SORL1: variants seen among roughly 807,000 people sequenced by gnomAD.
SORL1 encodes the protein sortilin-related receptor.
Under a neutral mutation model 273.7 loss-of-function variants are expected in SORL1, and 127 were observed. The ratio of observed to expected loss-of-function variants is 0.46; its 90% CI spans 0.40 to 0.54. The LOEUF is 0.54. SORL1 is among the 20% of genes least tolerant of loss of function. SORL1 has a pLI of 0.00. For missense variants in SORL1, 2,494 were observed against 2,846.1 expected (o/e 0.88, Z 2.81); for synonymous variants, 1,031 against 1,067.4 (o/e 0.97, Z 0.66).
At chr11:121,553,624 GA>G (rs1862536477) in intron 16 of SORL1, among the ~76,000 whole-genome samples, 1 of 152,218 alleles carries the variant, frequency 6.6e-6, no homozygotes, top group Admixed American at 6.5e-5. Flanking sequence ...GTGACTTGAA[GA>G]CTGGCAGGCT....
At chr11:121,549,014 A>G (rs1026737201) in intron 14 of SORL1, among the ~76,000 whole-genome samples, 2 of 152,218 alleles carry the variant, frequency 1.3e-5, no homozygotes, top group Admixed American at 6.5e-5. Context: ...GCCTTAGAAC[A>G]TTCATAGTAC....
Position 121,589,296 on chromosome 11 carries a change from C to T in SORL1, c.3984C>T (p.Phe1328=), listed in dbSNP as rs772645609. ...DPEFHKVCDE[F]GFQCQNGVCI... The stretch of plus-strand genomic sequence containing the variant: ...AGTTCCACAAGGTATGTGATGAGTT[C>T]GGTTTCCAGTGTCAGAATGGAGTGT... Residue 1328 remains phenylalanine, a synonymous_variant, in exon 29 of 48, where the codon TTC becomes TTT. Transcript: ENST00000260197. 20 of 1,613,476 alleles carry T rather than the reference C, an allele frequency of 1.2e-5. No homozygotes were observed. Among genetic ancestry groups the T allele is most frequent in the East Asian group, 2.2e-5 (1 of 44,898 alleles).
intron 21 of SORL1, chr11:121,566,698 C>T: frequency 2.4e-6 from 1 of 423,358 alleles, no homozygotes; most frequent in Non-Finnish European, 4.2e-6. Context: ...CCAGGAGGAA[C>T]CCTGCTGCCT....
At chr11:121,526,410 T>A (rs1172457883) in intron 11 of SORL1, among the ~76,000 whole-genome samples, 1 of 152,230 alleles carries the variant, frequency 6.6e-6, no homozygotes, top group Non-Finnish European at 1.5e-5. Context: ...TCCTTCAACT[T>A]TGATTATTTT....
rs2134961445 is a variant in SORL1, at chr11:121,630,369, A to G, written c.*806A>G. ...TAGCTTTGAGAGCTACAAAATGATA[A>G]CACTGCTTTATTACACACTGGTTTC... On this transcript the variant is annotated 3_prime_UTR_variant, in exon 48 of 48. Coordinates refer to ENST00000260197, the MANE Select transcript of SORL1 (RefSeq NM_003105.6). 1 of 152,328 alleles carries G rather than the reference A, an allele frequency of 6.6e-6. No individual in the cohort carries two copies. The allele number at this position is 152,328 out of a possible 1,614,324, so 9.4% of individuals were successfully genotyped here.
At chr11:121,608,335 C>T (rs969082821) in intron 38 of SORL1, 159 bp downstream of exon 38, 6 of 619,140 alleles carry the variant, frequency 9.7e-6, no homozygotes, top group Non-Finnish European at 1.7e-5. Context: ...CTCTGTAGTG[C>T]TTTAGATAGA....
chr11:121,515,072 A>G (rs557844667), intron 8 of SORL1, among the ~76,000 whole-genome samples: 5 of 152,204 alleles, frequency 3.3e-5, no homozygotes, highest in South Asian at 2.1e-4. Context: ...AGCCATGACA[A>G]CCAGGTCTGA....
At chr11:121,561,096 C>G (rs1230604044) in intron 21 of SORL1, among the ~76,000 whole-genome samples, 1 of 152,222 alleles carries the variant, frequency 6.6e-6, no homozygotes, top group African/African-American at 2.4e-5. Flanking sequence ...TTTAGTATTT[C>G]TCCAAGTGGA....
rs1862218479 is a variant in SORL1 at position 121,532,658 on chromosome 11, C to T, written c.1685+106C>T. On this transcript the variant is annotated intron_variant, in intron 12 of 47. Coordinates refer to ENST00000260197, the MANE Select transcript of SORL1 (RefSeq NM_003105.6). ...CTATAGCACTATGTTGTTGACAGCA[C>T]AATTTGTGATCTCTGGATATGAGTT... The T allele has an allele frequency of 4.6e-6, 4 of 865,542 alleles. No individual in the cohort carries two copies. In the South Asian group the frequency reaches 6.3e-5, roughly 14 times the overall value. 53.6% of individuals were successfully genotyped at this position (865,542 alleles called of 1,614,324 possible). A position where few individuals can be genotyped will look rare whatever the true frequency, so the allele number is the denominator to read the frequency against.
intron 6 of SORL1, among the ~76,000 whole-genome samples, chr11:121,503,490 A>G (rs562876768): frequency 8.6e-5 from 13 of 150,692 alleles, no homozygotes; most frequent in South Asian, 2.1e-4. Flanking sequence ...TTATTTCTGG[A>G]CTCCTTCTCT....
intron 9 of SORL1, 75 bp downstream of exon 9, chr11:121,520,924 T>C: frequency 1.0e-6 from 1 of 999,334 alleles, no homozygotes; most frequent in South Asian, 2.2e-5. Context: ...TTCCTATGTC[T>C]AGTATTTATT....
chr11:121,587,760 A>T (rs759829986), intron 27 of SORL1, among the ~76,000 whole-genome samples: 60 of 152,324 alleles, frequency 3.9e-4, no homozygotes, highest in Admixed American at 6.5e-4. Flanking sequence ...TTGGCAAAAT[A>T]CTTAATGCTA....
rs541979274 is a variant in SORL1 at position 121,596,224 on chromosome 11, G to T, written c.4519+452G>T. On this transcript the variant is annotated intron_variant, in intron 32 of 47. Coordinates refer to ENST00000260197, the MANE Select transcript of SORL1 (RefSeq NM_003105.6). This position sits in a 1 kb window ranked among gnomAD's most constrained non-coding sequence, Gnocchi z 4.3. ...AGAAAATTCATTCTCAGTCCTTAGG[G>T]TAATTATGGTTGGTGAGATAGTGTG... is the stretch of plus-strand genomic sequence containing the variant. Among the ~76,000 whole-genome samples, 7 of 152,210 alleles carry T rather than the reference G, an allele frequency of 4.6e-5. No homozygotes were observed. In the South Asian group the frequency reaches 1.2e-3, roughly 27 times the overall value.
At chr11:121,555,422 A>C in intron 18 of SORL1, 104 bp downstream of exon 18, 1 of 1,434,356 alleles carries the variant, frequency 7.0e-7, no homozygotes. Flanking sequence ...CAGATTACTC[A>C]GGAAATTTAC....
chr11:121,573,295 G>A (rs1489339156), intron 23 of SORL1, among the ~76,000 whole-genome samples: 3 of 152,182 alleles, frequency 2.0e-5, no homozygotes, highest in Non-Finnish European at 4.4e-5. Context: ...TAAGTAAGTT[G>A]TAGGTTGCAG....
chr11:121,576,814 C>T, intron 24 of SORL1: 1 of 1,525,370 alleles, frequency 6.6e-7, no homozygotes, highest in Admixed American at 2.0e-5. Context: ...ACTGATTTTA[C>T]TCTCTCTGAC....
At chr11:121,569,483 C>A (rs953435736) in intron 22 of SORL1, among the ~76,000 whole-genome samples, 2 of 152,314 alleles carry the variant, frequency 1.3e-5, no homozygotes, top group African/African-American at 4.8e-5. Flanking sequence ...GAGAATGCGT[C>A]CCTGAGGGTA....
rs1023805786 is a variant in SORL1, at chr11:121,559,555, A to G, written c.2947A>G (p.Ile983Val). The G allele has an allele frequency of 1.2e-6, 2 of 1,614,112 alleles. No individual in the cohort carries two copies. Among genetic ancestry groups the G allele is most frequent in the Middle Eastern group, 1.6e-4 (1 of 6,084 alleles). ...CTGGGATGACTGGTCACAGCTCAGC[A>G]TATTCCGAGCTTCCAAATACAGTGG... ...IYWDDWSQLS[I>V]FRASKYSGSQ... Residue 983 changes from isoleucine to valine, a missense_variant, in exon 21 of 48, where the codon ATA (isoleucine) becomes GTA (valine). Physicochemically the swap from Ile to Val is conservative, Grantham distance 29. Around this residue, in one of 3 missense-constraint regions of SORL1, gnomAD observed 1,609 missense variants for 1,816.4 expected, o/e 0.89. Transcript: ENST00000260197.
intron 6 of SORL1, among the ~76,000 whole-genome samples, chr11:121,505,339 TC>T (rs1861772247): frequency 6.6e-6 from 1 of 152,062 alleles, no homozygotes; most frequent in Non-Finnish European, 1.5e-5. Flanking sequence ...TCTCTTTTTT[TC>T]TTGGTAAGTC....
Sources: allele counts gnomAD v4.1 joint callset (sites outside exome capture counted in the v4.1 genomes callset), GRCh38; gene constraint gnomAD v4.1.1; regional missense constraint gnomAD v4.1.1; non-coding constraint Gnocchi (gnomAD v3.1); transcripts MANE v1.5; gene names NCBI Gene and HGNC (gene_info 2026-07-23, HGNC 2026-07-21).